CYP39A1: variants seen among roughly 807,000 people sequenced by gnomAD.
CYP39A1 encodes 24-hydroxycholesterol 7-alpha-hydroxylase.
Under a neutral mutation model 58.1 loss-of-function variants are expected in CYP39A1, and 49 were observed. That is an observed-to-expected ratio of 0.84 (90% CI 0.67 to 1.07). CYP39A1 has a LOEUF of 1.07. CYP39A1 is among the 50% of genes least tolerant of loss of function. The pLI, the probability that CYP39A1 is intolerant of heterozygous loss-of-function variation, is 0.00. For synonymous variants in CYP39A1, 209 were observed against 187.6 expected (o/e 1.11, Z -0.93); for missense variants, 531 against 539.4 (o/e 0.98, Z 0.16).
At chr6:46,582,949 G>T in intron 10 of CYP39A1, 1 of 473,688 alleles carries the variant, frequency 2.1e-6, no homozygotes, top group Non-Finnish European at 2.8e-6. Flanking sequence ...GAGATGTTTG[G>T]TTAAAAACAG....
chr6:46,605,898 C>G (rs1375671299), intron 7 of CYP39A1, among the ~76,000 whole-genome samples: 1 of 152,152 alleles, frequency 6.6e-6, no homozygotes, highest in Non-Finnish European at 1.5e-5. Context: ...TCAAACAATT[C>G]CTCTACTTTT....
At chr6:46,648,451 G>A (rs1044324831) in intron 1 of CYP39A1, among the ~76,000 whole-genome samples, 3 of 137,590 alleles carry the variant, frequency 2.2e-5, no homozygotes, top group Admixed American at 8.6e-5. Context: ...TCATAGGCGG[G>A]AATTGAACAA....
chr6:46,608,572 A>G (rs542655208), intron 7 of CYP39A1, among the ~76,000 whole-genome samples: 1 of 152,060 alleles, frequency 6.6e-6, no homozygotes, highest in Non-Finnish European at 1.5e-5. Flanking sequence ...AGGTGATAAT[A>G]TCTGAAGTAG....
At chr6:46,617,988 A>C (rs1292669708) in intron 7 of CYP39A1, among the ~76,000 whole-genome samples, 1 of 152,192 alleles carries the variant, frequency 6.6e-6, no homozygotes, top group Non-Finnish European at 1.5e-5. Context: ...GACTATAAAC[A>C]TTCAACAAAA....
intron 7 of CYP39A1, among the ~76,000 whole-genome samples, chr6:46,612,265 T>C (rs145735228): frequency 0.017 from 2,562 of 152,302 alleles, 36 homozygotes; most frequent in Non-Finnish European, 0.028. Flanking sequence ...TAAAGCTTCC[T>C]GAGAAATCTC....
In CYP39A1 at chr6:46,636,452, C is replaced by T; in HGVS notation, c.669G>A (p.Leu223=). ...RNWSKSKKWF[L]ELFEKNIPDI... ...CTGGAATGTTTTTCTCAAACAGTTC[C>T]AGGAACCACTTTTTGGATTTTGACC... The change falls in exon 5 of 12, where the codon CTG becomes CTA. Residue 223 remains leucine, a synonymous_variant. Coordinates refer to ENST00000275016, the MANE Select transcript of CYP39A1 (RefSeq NM_016593.5). The T allele has an allele frequency of 6.2e-7, 1 of 1,608,648 alleles. No individual in the cohort carries two copies. The highest frequency in any genetic ancestry group is 2.2e-5 in the East Asian group (1 of 44,596).
chr6:46,616,960 T>C (rs901455436), intron 7 of CYP39A1, among the ~76,000 whole-genome samples: 2 of 151,836 alleles, frequency 1.3e-5, no homozygotes, highest in Non-Finnish European at 2.9e-5. Flanking sequence ...TGGCGATCGA[T>C]CAATGGAACA....
rs762003723 is a variant in CYP39A1, at chr6:46,616,242, CCCTT to C, written c.931+9172_931+9175del. On this transcript the variant is annotated intron_variant, in intron 7 of 11. Coordinates refer to ENST00000275016, the MANE Select transcript of CYP39A1 (RefSeq NM_016593.5). ...TCCCTCCCTCCCTCCCTCCCTCCCT[CCCTT>C]CCTTCCTTCCTTTCTTCCTTCCTTC... Among the ~76,000 whole-genome samples the C allele has an allele frequency of 1.7e-3, 65 of 37,732 alleles. 1 individual carries two copies. The highest frequency in any genetic ancestry group is 5.7e-3 in the African/African-American group (28 of 4,952). 24.8% of individuals were successfully genotyped at this position (37,732 alleles called of 152,430 possible).
At chr6:46,634,514 T>G (rs1369853570) in intron 5 of CYP39A1, among the ~76,000 whole-genome samples, 1 of 139,162 alleles carries the variant, frequency 7.2e-6, no homozygotes. Context: ...TTACTTTTTT[T>G]TTCTTTTTGC....
intron 1 of CYP39A1, among the ~76,000 whole-genome samples, chr6:46,648,329 G>A (rs1017581098): frequency 9.9e-5 from 15 of 151,990 alleles, no homozygotes; most frequent in Non-Finnish European, 2.2e-4. Context: ...ATACTATGCA[G>A]CCATAAAAAA....
At chr6:46,572,584 C>T (rs1479092484) in intron 10 of CYP39A1, among the ~76,000 whole-genome samples, 1 of 152,078 alleles carries the variant, frequency 6.6e-6, no homozygotes, top group Non-Finnish European at 1.5e-5. Context: ...TCTCTTGCTG[C>T]TTTTAAATTT....
At chr6:46,617,567 G>C (rs1465695425) in intron 7 of CYP39A1, among the ~76,000 whole-genome samples, 1 of 152,082 alleles carries the variant, frequency 6.6e-6, no homozygotes, top group Non-Finnish European at 1.5e-5. Flanking sequence ...GCTGGAAATT[G>C]GATTGAAGCA....
chr6:46,567,341 T>C (rs912757522), intron 10 of CYP39A1, among the ~76,000 whole-genome samples: 1 of 105,300 alleles, frequency 9.5e-6, no homozygotes. Context: ...ATATTCCATA[T>C]ATATATATAT....
At chr6:46,586,185 G>T (rs1341221848) in intron 10 of CYP39A1, 10 of 974,632 alleles carry the variant, frequency 1.0e-5, no homozygotes, top group Non-Finnish European at 1.2e-5. Context: ...GGATGGAATG[G>T]ATACTGCGGA....
chr6:46,553,641 C>A, intron 11 of CYP39A1, 126 bp downstream of exon 11: 1 of 686,552 alleles, frequency 1.5e-6, no homozygotes, highest in Non-Finnish European at 2.6e-6. Context: ...ATCTAAGGCA[C>A]CTGTTAAGAT....
intron 1 of CYP39A1, among the ~76,000 whole-genome samples, chr6:46,651,759 T>C (rs1287662727): frequency 6.6e-6 from 1 of 152,200 alleles, no homozygotes; most frequent in Non-Finnish European, 1.5e-5. Flanking sequence ...ACAAATTTAT[T>C]AGACAATCAA....
intron 8 of CYP39A1, 97 bp downstream of exon 8, chr6:46,595,890 A>C (rs749846271): frequency 1.8e-5 from 21 of 1,190,292 alleles, no homozygotes; most frequent in African/African-American, 3.1e-5. Flanking sequence ...GTCAAGTAAA[A>C]ATAAATCAAG....
At position 46,613,900 on chromosome 6, in the gene CYP39A1, C is replaced by A. The variant is rs575891171; in HGVS notation, c.931+11518G>T. On this transcript the variant is annotated intron_variant, in intron 7 of 11. Coordinates refer to ENST00000275016, the MANE Select transcript of CYP39A1 (RefSeq NM_016593.5). ...ATTAATCTTTTACAATCTGGTATTA[C>A]TTTAGTAGTTATTTTGAAAAAAACA... 6.2e-5 allele frequency among the ~76,000 whole-genome samples: 9 copies of A among 144,240 alleles called. No individual in the cohort carries two copies. In the South Asian group the frequency reaches 1.8e-3, roughly 28 times the overall value. 94.6% of individuals were successfully genotyped at this position (144,240 alleles called of 152,430 possible). A position where few individuals can be genotyped will look rare whatever the true frequency, so the allele number is the denominator to read the frequency against.
chr6:46,628,810 G>A lies in CYP39A1; in HGVS notation c.840+2153C>T, dbSNP rs377001803. On this transcript the variant is annotated intron_variant, in intron 6 of 11. Transcript: ENST00000275016. ...GGGCCTTTGAGCCATCAAATATTTG[G>A]AAGCCTATGTTCAGTATTAACGGGC... 3.3e-5 allele frequency among the ~76,000 whole-genome samples: 5 copies of A among 152,184 alleles called. No individual in the cohort carries two copies. In the East Asian group the frequency reaches 7.7e-4, roughly 23 times the overall value.
Sources: allele counts gnomAD v4.1 joint callset (sites outside exome capture counted in the v4.1 genomes callset), GRCh38; gene constraint gnomAD v4.1.1; transcripts MANE v1.5; gene names NCBI Gene and HGNC (gene_info 2026-07-23, HGNC 2026-07-21).